The following PAX3 variants were observed in gnomAD, a reference collection of about 807,000 sequenced individuals.
PAX3 encodes the protein paired box 3.
A neutral mutation model predicts 51.6 loss-of-function variants in PAX3; 14 were observed. The ratio of observed to expected loss-of-function variants is 0.27; its 90% CI spans 0.18 to 0.42. The LOEUF (loss-of-function observed/expected upper bound fraction) is 0.42. Ranked by LOEUF, PAX3 falls within the 10% of genes least tolerant of loss-of-function variation. PAX3 has a pLI of 1.00. For synonymous variants in PAX3, 280 were observed against 253.4 expected (o/e 1.11, Z -1.00); for missense variants, 540 against 642.8 (o/e 0.84, Z 1.73).
chr2:222,263,379 T>C (rs1260510086), intron 4 of PAX3: 1 of 152,180 alleles, frequency 6.6e-6, no homozygotes, highest in Admixed American at 6.5e-5. Flanking sequence ...TCCAACATCA[T>C]TAGCCATTAG....
At chr2:222,290,956 G>A (rs540692329) in intron 4 of PAX3, among the ~76,000 whole-genome samples, 1 of 152,038 alleles carries the variant, frequency 6.6e-6, no homozygotes, top group East Asian at 1.9e-4. Context: ...GAAGGGGGGA[G>A]GCGGGCTGTG....
chr2:222,256,463 C>T (rs1047308550), intron 4 of PAX3, among the ~76,000 whole-genome samples: 2 of 151,904 alleles, frequency 1.3e-5, no homozygotes, highest in African/African-American at 4.8e-5. Flanking sequence ...ACTTCCTGAT[C>T]CTTCCCTCTC....
intron 4 of PAX3, among the ~76,000 whole-genome samples, chr2:222,276,689 A>G (rs1190945526): frequency 6.6e-6 from 1 of 152,216 alleles, no homozygotes; most frequent in Non-Finnish European, 1.5e-5. Flanking sequence ...AGAGACCTAC[A>G]AGAAACATCT....
At chr2:222,249,166 TTAAA>T (rs1396554710) in intron 4 of PAX3, among the ~76,000 whole-genome samples, 1 of 152,192 alleles carries the variant, frequency 6.6e-6, no homozygotes, top group Non-Finnish European at 1.5e-5. Flanking sequence ...AAAGCACCAA[TTAAA>T]TAAACTTTAT....
chr2:222,283,344 A>G (rs1694713565), intron 4 of PAX3, among the ~76,000 whole-genome samples: 1 of 152,188 alleles, frequency 6.6e-6, no homozygotes, highest in African/African-American at 2.4e-5. Context: ...TTAAAAAGAG[A>G]GAGAAATGTA....
At position 222,286,982 on chromosome 2, in the gene PAX3, C is replaced by T. The variant is rs80035291; in HGVS notation, c.586+7185G>A. On this transcript the variant is annotated intron_variant, in intron 4 of 8. Transcript: ENST00000392070. ...ATTTTGATAACTGTGCATATTCCAA[C>T]TAAAACTTGGAAATATACATATTCT... is the stretch of plus-strand genomic sequence containing the variant. 1.6e-3 allele frequency among the ~76,000 whole-genome samples: 240 copies of T among 152,348 alleles called. 3 individuals are homozygous for T. In the East Asian group the frequency reaches 0.04, roughly 26 times the overall value.
intron 4 of PAX3, among the ~76,000 whole-genome samples, chr2:222,243,144 A>G (rs952016316): frequency 1.3e-5 from 2 of 152,216 alleles, no homozygotes; most frequent in African/African-American, 4.8e-5. Context: ...ATGACACGAG[A>G]TGTTTGGAAA....
At chr2:222,293,510 C>G in intron 4 of PAX3, 1 of 912,872 alleles carries the variant, frequency 1.1e-6, no homozygotes, top group Non-Finnish European at 1.7e-6. Flanking sequence ...ACAGAGGGTG[C>G]CAGCACTCTA....
chr2:222,283,640 C>T (rs1694724195), intron 4 of PAX3, among the ~76,000 whole-genome samples: 1 of 152,194 alleles, frequency 6.6e-6, no homozygotes, highest in South Asian at 2.1e-4. Flanking sequence ...AGTCTTCTTG[C>T]ATCTAAAAGC....
intron 4 of PAX3, among the ~76,000 whole-genome samples, chr2:222,284,723 G>A (rs962817941): frequency 6.6e-6 from 1 of 152,104 alleles, no homozygotes; most frequent in African/African-American, 2.4e-5. Context: ...TTTGTAGGCT[G>A]GTCACTTTCT....
At chr2:222,212,212 C>G (rs1356445034) in intron 7 of PAX3, among the ~76,000 whole-genome samples, 1 of 152,148 alleles carries the variant, frequency 6.6e-6, no homozygotes, top group Non-Finnish European at 1.5e-5. Context: ...TTTGAAATCT[C>G]AGGACAGATG....
At chr2:222,257,855 G>A (rs1693705780) in intron 4 of PAX3, among the ~76,000 whole-genome samples, 1 of 152,188 alleles carries the variant, frequency 6.6e-6, no homozygotes, top group Non-Finnish European at 1.5e-5. Context: ...CCACGCTGCT[G>A]ACTGCATCGT....
intron 7 of PAX3, among the ~76,000 whole-genome samples, chr2:222,207,890 T>G (rs908317108): frequency 6.6e-6 from 1 of 152,034 alleles, no homozygotes; most frequent in South Asian, 2.1e-4. Context: ...GTTGTTTTTT[T>G]AAAAAACCAT....
chr2:222,230,362 T>C (rs1229534670), intron 5 of PAX3, among the ~76,000 whole-genome samples: 1 of 126,950 alleles, frequency 7.9e-6, no homozygotes, highest in Admixed American at 1.0e-4. Flanking sequence ...AGTTGAACAA[T>C]GAGAACACAT....
rs1691243646 is a variant in PAX3 at position 222,200,272 on chromosome 2, T to C, written c.*1136A>G. ...CTCAGTTCCTATAATCTTTTAATAT[T>C]GGATATCATTGTATAATTTAAAAGT... is the stretch of plus-strand genomic sequence containing the variant. On this transcript the variant is annotated 3_prime_UTR_variant, in exon 9 of 9. Coordinates refer to ENST00000392070, the MANE Select transcript of PAX3 (RefSeq NM_181458.4). The C allele has an allele frequency of 9.2e-6, 2 of 218,268 alleles. No homozygotes were observed. The highest frequency in any genetic ancestry group is 1.4e-4 in the East Asian group (2 of 14,592). 13.5% of individuals were successfully genotyped at this position (218,268 alleles called of 1,614,324 possible).
At chr2:222,226,597 A>G (rs1692394445) in intron 5 of PAX3, among the ~76,000 whole-genome samples, 1 of 151,964 alleles carries the variant, frequency 6.6e-6, no homozygotes, top group African/African-American at 2.4e-5. Flanking sequence ...TCTGAACTAT[A>G]CAGATCAGTT....
Position 222,231,343 on chromosome 2 carries a change from G to T in PAX3, c.792+735C>A, listed in dbSNP as rs1328082250. 1.9e-4 allele frequency among the ~76,000 whole-genome samples: 29 copies of T among 152,154 alleles called. 1 individual carries two copies. The highest frequency in any genetic ancestry group is 1.9e-3 in the Admixed American group (29 of 15,278). Reference sequence around the variant, plus strand: ...CCATCTTTCAAACACTGTTTTACTAGCTCCAGGAAGTAGTTCTTCATTAAT... The same window carrying T: ...CCATCTTTCAAACACTGTTTTACTATCTCCAGGAAGTAGTTCTTCATTAAT... On this transcript the variant is annotated intron_variant, in intron 5 of 8. Coordinates refer to ENST00000392070, the MANE Select transcript of PAX3 (RefSeq NM_181458.4).
At chr2:222,206,898 T>C (rs1470519893) in intron 7 of PAX3, among the ~76,000 whole-genome samples, 1 of 152,146 alleles carries the variant, frequency 6.6e-6, no homozygotes, top group Non-Finnish European at 1.5e-5. Context: ...GCTTCTTTTT[T>C]CTTTAGTAGG....
chr2:222,225,145 G>A (rs1425818395), intron 5 of PAX3, among the ~76,000 whole-genome samples: 1 of 152,166 alleles, frequency 6.6e-6, no homozygotes, highest in Non-Finnish European at 1.5e-5. Context: ...ACAGTTAATT[G>A]TCTATCATTG....
Sources: gnomAD v4.1 joint callset for allele counts (sites outside exome capture counted in the v4.1 genomes callset) on GRCh38, gnomAD v4.1.1 for gene constraint, MANE v1.5 for transcripts, NCBI Gene and HGNC (gene_info 2026-07-23, HGNC 2026-07-21) for gene names.